Variants in XYLT1 observed in about 807,000 individuals in gnomAD.
The protein encoded by XYLT1 is xylosyltransferase 1.
Under a neutral mutation model 91.3 loss-of-function variants are expected in XYLT1, and 36 were observed. That is an observed-to-expected ratio of 0.39 (90% CI 0.30 to 0.52). The LOEUF (loss-of-function observed/expected upper bound fraction) is 0.52, where lower values mean the gene tolerates loss of function less well. Ranked by LOEUF, XYLT1 falls within the 20% of genes least tolerant of loss-of-function variation. The probability of loss-of-function intolerance (pLI) is 0.68; values close to 1 mark genes in which losing one functional copy is unlikely to be tolerated. For missense variants in XYLT1, 1,242 were observed against 1,284.5 expected (o/e 0.97, Z 0.51); for synonymous variants, 588 against 532.0 (o/e 1.11, Z -1.45).
chr16:17,201,786 T>G (rs2032548948), intron 3 of XYLT1, among the ~76,000 whole-genome samples: 1 of 152,022 alleles, frequency 6.6e-6, no homozygotes, highest in African/African-American at 2.4e-5. Context: ...AGAGGTTCTT[T>G]TTCTGTTACA....
intron 3 of XYLT1, among the ~76,000 whole-genome samples, chr16:17,209,711 G>A (rs766580075): frequency 1.3e-5 from 2 of 152,192 alleles, no homozygotes; most frequent in Admixed American, 1.3e-4. Flanking sequence ...TCACCTCTAA[G>A]TGATGCTGTA....
At chr16:17,152,719 T>C (rs930828814) in intron 6 of XYLT1, among the ~76,000 whole-genome samples, 7 of 152,282 alleles carry the variant, frequency 4.6e-5, no homozygotes, top group Non-Finnish European at 1.5e-5. Flanking sequence ...CGGCCTCCAA[T>C]AGGAGAATGC....
chr16:17,241,353 C>G (rs1477008094), intron 3 of XYLT1, among the ~76,000 whole-genome samples: 2 of 152,180 alleles, frequency 1.3e-5, no homozygotes, highest in African/African-American at 4.8e-5. Flanking sequence ...CTAAATTCTC[C>G]AGGTCCCTCA....
At chr16:17,292,638 C>A (rs964665109) in intron 2 of XYLT1, among the ~76,000 whole-genome samples, 2 of 152,190 alleles carry the variant, frequency 1.3e-5, no homozygotes, top group African/African-American at 4.8e-5. Context: ...AAGTTTAAAA[C>A]CACTTTGGTA....
chr16:17,207,625 A>C (rs11645035), intron 3 of XYLT1, among the ~76,000 whole-genome samples: 99,603 of 152,018 alleles, frequency 0.66, 33,342 homozygotes, highest in South Asian at 0.78. Flanking sequence ...AGCAAACTGG[A>C]TGGAGGCTAG....
intron 1 of XYLT1, among the ~76,000 whole-genome samples, chr16:17,462,336 G>C (rs951082245): frequency 1.3e-5 from 2 of 152,144 alleles, no homozygotes; most frequent in Admixed American, 1.3e-4. Flanking sequence ...TCATCTGGCA[G>C]GGTGTCTGGG....
In XYLT1 at chr16:17,106,454, G is replaced by A. The variant is rs7184743; in HGVS notation, c.*2241C>T. On this transcript the variant is annotated 3_prime_UTR_variant, in exon 12 of 12. Coordinates refer to ENST00000261381, the MANE Select transcript of XYLT1 (RefSeq NM_022166.4). ...CTGAGAAAAGTACCCTGAGATCCCT[G>A]GAATCGCTGTTGAGAATGGCTATCT... 0.18 allele frequency: 27,408 copies of A among 152,146 alleles called. 7,666 individuals are homozygous for A. Among genetic ancestry groups the A allele is most frequent in the African/African-American group, 0.6 (24,784 of 41,440 alleles). The allele number at this position is 152,146 out of a possible 1,614,324, so 9.4% of individuals were successfully genotyped here.
At chr16:17,458,842 A>G (rs978218671) in intron 1 of XYLT1, among the ~76,000 whole-genome samples, 1 of 151,904 alleles carries the variant, frequency 6.6e-6, no homozygotes, top group African/African-American at 2.4e-5. Flanking sequence ...TTGGCTGGTT[A>G]TATTTCTGTA....
chr16:17,197,162 T>C (rs943347009), intron 5 of XYLT1, among the ~76,000 whole-genome samples: 1 of 151,790 alleles, frequency 6.6e-6, no homozygotes, highest in Non-Finnish European at 1.5e-5. Flanking sequence ...TCTCTCTTGT[T>C]ATGCTACCCC....
Position 17,114,652 on chromosome 16 carries a change from T to C in XYLT1, c.2557+2994A>G, listed in dbSNP as rs547979267. Among the ~76,000 whole-genome samples the C allele has an allele frequency of 2.6e-5, 4 of 152,244 alleles. No individual in the cohort carries two copies. The East Asian group carries it at 7.7e-4, about 29-fold the overall frequency. ...GCTGTGTCCCCATCCCCTTGCATCA[T>C]TGGCTAAAAGGCACCCAATCCAGAA... On this transcript the variant is annotated intron_variant, in intron 11 of 11. Transcript: ENST00000261381.
At chr16:17,199,128 T>G (rs904326720) in intron 4 of XYLT1, among the ~76,000 whole-genome samples, 2 of 152,206 alleles carry the variant, frequency 1.3e-5, no homozygotes, top group Non-Finnish European at 2.9e-5. Context: ...CCCATGTATA[T>G]TTCGGAGGCA....
Position 17,117,811 on chromosome 16 carries a change from G to A in XYLT1, c.2392C>T (p.Leu798Phe), listed in dbSNP as rs765621199. The A allele has an allele frequency of 2.5e-6, 4 of 1,614,158 alleles. No homozygotes were observed. The South Asian group carries it at 3.3e-5, about 13-fold the overall frequency. The change falls in exon 11 of 12, where the codon CTC (leucine) becomes TTC (phenylalanine). Residue 798 changes from leucine to phenylalanine, a missense_variant. Coordinates refer to ENST00000261381, the MANE Select transcript of XYLT1 (RefSeq NM_022166.4). ...VNVIAATYDILIESTAEFTHY... is the reference protein window; with the variant it reads ...VNVIAATYDIFIESTAEFTHY... ...GTGAATTCGGCAGTGGACTCAATGA[G>A]GATGTCGTAGGTGGCTGCGATGACA... is the stretch of plus-strand genomic sequence containing the variant.
intron 1 of XYLT1, among the ~76,000 whole-genome samples, chr16:17,457,719 G>A (rs1163512319): frequency 6.6e-6 from 1 of 152,240 alleles, no homozygotes; most frequent in Admixed American, 6.5e-5. Flanking sequence ...GGGGTTCTCA[G>A]TGTCTTTCAT....
At chr16:17,468,608 G>C (rs2141967572) in intron 1 of XYLT1, among the ~76,000 whole-genome samples, 1 of 152,298 alleles carries the variant, frequency 6.6e-6, no homozygotes, top group South Asian at 2.1e-4. Flanking sequence ...GTAAAACACT[G>C]AGCCGAGCAC....
chr16:17,431,713 C>T (rs2036394508), intron 1 of XYLT1, among the ~76,000 whole-genome samples: 1 of 152,192 alleles, frequency 6.6e-6, no homozygotes, highest in African/African-American at 2.4e-5. Context: ...TGCAGGTAAA[C>T]GAATCCATTC....
intron 1 of XYLT1, among the ~76,000 whole-genome samples, chr16:17,411,731 C>T (rs2036111731): frequency 6.6e-6 from 1 of 152,148 alleles, no homozygotes; most frequent in Non-Finnish European, 1.5e-5. Context: ...TTCGGCTTCA[C>T]CTTCATCGTG....
chr16:17,183,026 G>A (rs1355509363), intron 5 of XYLT1, among the ~76,000 whole-genome samples: 1 of 152,168 alleles, frequency 6.6e-6, no homozygotes, highest in African/African-American at 2.4e-5. Flanking sequence ...TGGCATCCTT[G>A]GGTGATCGGC....
chr16:17,318,139 A>T (rs911818691), intron 2 of XYLT1, among the ~76,000 whole-genome samples: 4 of 152,228 alleles, frequency 2.6e-5, no homozygotes, highest in Admixed American at 6.5e-5. Context: ...AGATTTCCAG[A>T]TTCCCAGTAT....
At chr16:17,161,912 T>C (rs1275737433) in intron 5 of XYLT1, among the ~76,000 whole-genome samples, 2 of 152,166 alleles carry the variant, frequency 1.3e-5, no homozygotes, top group Non-Finnish European at 2.9e-5. Context: ...CTGGGAAGTC[T>C]CTGCTGAAAT....
Sources: gnomAD v4.1 joint callset for allele counts (sites outside exome capture counted in the v4.1 genomes callset) on GRCh38, gnomAD v4.1.1 for gene constraint, MANE v1.5 for transcripts, NCBI Gene and HGNC (gene_info 2026-07-23, HGNC 2026-07-21) for gene names.